The following STPG2 variants were observed in gnomAD, a reference collection of about 807,000 sequenced individuals.
STPG2 encodes the protein sperm-tail PG-rich repeat-containing protein 2.
STPG2 carries 56 observed loss-of-function variants against 54.2 expected under a neutral mutation model. The ratio of observed to expected loss-of-function variants is 1.03; its 90% CI spans 0.83 to 1.29. The LOEUF is 1.29. Ranked by LOEUF, STPG2 falls within the 50% of genes most tolerant of loss-of-function variation. The probability of loss-of-function intolerance (pLI) is 0.00; values close to 1 mark genes in which losing one functional copy is unlikely to be tolerated. For synonymous variants in STPG2, 200 were observed against 181.8 expected (o/e 1.10, Z -0.81); for missense variants, 596 against 544.9 (o/e 1.09, Z -0.93).
chr4:97,767,562 AT>A (rs942020630), intron 9 of STPG2, among the ~76,000 whole-genome samples: 2 of 152,140 alleles, frequency 1.3e-5, no homozygotes, highest in African/African-American at 4.8e-5. Flanking sequence ...ATATTACATA[AT>A]TTATGTTTCT....
At chr4:98,020,339 G>A (rs1474938551) in intron 5 of STPG2, among the ~76,000 whole-genome samples, 10 of 137,916 alleles carry the variant, frequency 7.3e-5, no homozygotes, top group African/African-American at 2.8e-4. Flanking sequence ...TGCATATATT[G>A]AACCAGCCTT....
intron 9 of STPG2, among the ~76,000 whole-genome samples, chr4:97,746,587 G>A (rs970722569): frequency 3.3e-5 from 5 of 151,284 alleles, no homozygotes; most frequent in African/African-American, 1.2e-4. Flanking sequence ...TTAGTAGAGA[G>A]TGCATATAAT....
intron 5 of STPG2, among the ~76,000 whole-genome samples, chr4:97,994,804 G>C (rs1385824128): frequency 6.6e-6 from 1 of 152,108 alleles, no homozygotes; most frequent in Non-Finnish European, 1.5e-5. Context: ...GCACTTTCAA[G>C]AGCACATCAG....
At chr4:98,079,921 G>C (rs1738289916) in intron 5 of STPG2, among the ~76,000 whole-genome samples, 1 of 151,986 alleles carries the variant, frequency 6.6e-6, no homozygotes, top group South Asian at 2.1e-4. Context: ...TATGAAAAAT[G>C]TATATATCTA....
chr4:98,054,166 T>G (rs974107486), intron 5 of STPG2, among the ~76,000 whole-genome samples: 2 of 152,158 alleles, frequency 1.3e-5, no homozygotes, highest in Admixed American at 1.3e-4. Flanking sequence ...ATTTTTATTT[T>G]TCACCATCAC....
At position 97,565,477 on chromosome 4, in the gene STPG2, G is replaced by A. The variant is rs555932173; in HGVS notation, c.1321-6360C>T. ...TCCAGCTTTGTTCCATTGCTGGTGA[G>A]GAGCTGCGTTCCTTTGTAGGAGGAA... On this transcript the variant is annotated intron_variant, in intron 10 of 10. Transcript: ENST00000295268. Among the ~76,000 whole-genome samples the A allele has an allele frequency of 3.9e-5, 6 of 152,298 alleles. No homozygotes were observed. The South Asian group carries it at 8.3e-4, about 21-fold the overall frequency.
At chr4:97,590,169 AT>A (rs1465300726) in intron 10 of STPG2, among the ~76,000 whole-genome samples, 1 of 152,162 alleles carries the variant, frequency 6.6e-6, no homozygotes, top group Non-Finnish European at 1.5e-5. Context: ...TATAGAAAAC[AT>A]TCTCATATAA....
intron 10 of STPG2, among the ~76,000 whole-genome samples, chr4:97,581,161 C>T (rs951604916): frequency 2.6e-5 from 4 of 151,954 alleles, no homozygotes; most frequent in African/African-American, 9.7e-5. Context: ...AAATTCATTT[C>T]TTTGGTCACA....
At chr4:97,561,826 C>A (rs1732256749) in intron 10 of STPG2, among the ~76,000 whole-genome samples, 1 of 152,128 alleles carries the variant, frequency 6.6e-6, no homozygotes, top group Non-Finnish European at 1.5e-5. Flanking sequence ...CAGTACCATG[C>A]TGTTTTGGTT....
At chr4:98,128,911 C>T (rs13132395) in intron 2 of STPG2, among the ~76,000 whole-genome samples, 59,961 of 151,548 alleles carry the variant, frequency 0.4, 12,100 homozygotes, top group Middle Eastern at 0.46. Context: ...TGTTTGTATT[C>T]TTAGTAGAGA....
intron 10 of STPG2, among the ~76,000 whole-genome samples, chr4:97,707,034 GT>G: frequency 6.6e-6 from 1 of 152,226 alleles, no homozygotes; most frequent in South Asian, 2.1e-4. Flanking sequence ...GAAATTGCTG[GT>G]ACAACATCAT....
At chr4:97,600,773 T>C (rs1401790792) in intron 10 of STPG2, among the ~76,000 whole-genome samples, 2 of 152,136 alleles carry the variant, frequency 1.3e-5, no homozygotes, top group African/African-American at 4.8e-5. Flanking sequence ...ATATAGACCG[T>C]TAAAGCCTAA....
chr4:97,635,490 C>A lies in STPG2; in HGVS notation c.1321-76373G>T, dbSNP rs561273342. On this transcript the variant is annotated intron_variant, in intron 10 of 10. Coordinates refer to ENST00000295268, the MANE Select transcript of STPG2 (RefSeq NM_174952.3). ...GACAGGATCAAATTCACACATAACC[C>A]TATTAACTTTAAATGTAAATGGACT... 4.9e-3 allele frequency among the ~76,000 whole-genome samples: 748 copies of A among 152,144 alleles called. 2 individuals are homozygous for A. The highest frequency in any genetic ancestry group is 0.02 in the Middle Eastern group (6 of 294).
intron 4 of STPG2, among the ~76,000 whole-genome samples, chr4:98,108,416 T>C (rs1207820418): frequency 6.6e-6 from 1 of 152,162 alleles, no homozygotes; most frequent in Non-Finnish European, 1.5e-5. Flanking sequence ...CATGAACTCA[T>C]GTCTAAAACC....
At chr4:97,734,793 C>A (rs1257568310) in intron 9 of STPG2, among the ~76,000 whole-genome samples, 1 of 152,032 alleles carries the variant, frequency 6.6e-6, no homozygotes, top group Non-Finnish European at 1.5e-5. Flanking sequence ...TTCTGCACGG[C>A]CGGGGGCGGT....
At chr4:97,606,590 AT>A (rs1356295701) in intron 10 of STPG2, among the ~76,000 whole-genome samples, 1 of 151,990 alleles carries the variant, frequency 6.6e-6, no homozygotes, top group Non-Finnish European at 1.5e-5. Flanking sequence ...AGTTTGAGTC[AT>A]TCACTGGCTG....
intron 10 of STPG2, among the ~76,000 whole-genome samples, chr4:97,692,315 A>C (rs1473478806): frequency 1.3e-5 from 2 of 151,284 alleles, no homozygotes; most frequent in Non-Finnish European, 2.9e-5. Flanking sequence ...AAAAAAAAAA[A>C]ACCTCAAGTG....
Position 98,128,504 on chromosome 4 carries a change from TC to T in STPG2, c.310del (p.Asp104MetfsTer6). 2 of 1,613,822 alleles carry T rather than the reference TC, an allele frequency of 1.2e-6. No individual in the cohort carries two copies. The highest frequency in any genetic ancestry group is 2.2e-5 in the South Asian group (2 of 91,042). ...AAAACATTTTATAATACTGCCATCA[TC>T]ATTAATATGATAACCATATGACTTT... Reference protein sequence around the residue: ...CGKSYGYHINDDGSIIKCFPP... With the variant: ...CGKSYGYHINXDGSIIKCFPP... On this transcript the variant is annotated frameshift_variant, in exon 3 of 11. Coordinates refer to ENST00000295268, the MANE Select transcript of STPG2 (RefSeq NM_174952.3). LOFTEE classifies it high-confidence loss of function.
In STPG2 at chr4:98,143,390, C is replaced by G; in HGVS notation, c.-240G>C. 1 of 495,486 alleles carries G rather than the reference C, an allele frequency of 2.0e-6. No homozygotes were observed. Among genetic ancestry groups the G allele is most frequent in the Non-Finnish European group, 3.6e-6 (1 of 274,366 alleles). The allele number at this position is 495,486 out of a possible 1,614,324, so 30.7% of individuals were successfully genotyped here. On this transcript the variant is annotated 5_prime_UTR_variant, in exon 1 of 11. Transcript: ENST00000295268. ...GAGGGGTGAGCGACTAGAGATTAGACGTCCCACACAATCATCAGTTTGCCA... is the reference window on the plus strand; with the variant it reads ...GAGGGGTGAGCGACTAGAGATTAGAGGTCCCACACAATCATCAGTTTGCCA...
Sources: gnomAD v4.1 joint callset for allele counts (sites outside exome capture counted in the v4.1 genomes callset) on GRCh38, gnomAD v4.1.1 for gene constraint, MANE v1.5 for transcripts, NCBI Gene and HGNC (gene_info 2026-07-23, HGNC 2026-07-21) for gene names.